The following SNX8 variants were observed in gnomAD, a reference collection of about 807,000 sequenced individuals.
The protein encoded by SNX8 is sorting nexin 8, also known as sorting nexin-8.
SNX8 carries 25 observed loss-of-function variants against 51.6 expected under a neutral mutation model. The ratio of observed to expected loss-of-function variants is 0.48; its 90% CI spans 0.35 to 0.68. The LOEUF (loss-of-function observed/expected upper bound fraction) is 0.68. SNX8 is among the 30% of genes least tolerant of loss of function. The probability of loss-of-function intolerance (pLI) is 0.00; values close to 1 mark genes in which losing one functional copy is unlikely to be tolerated. For synonymous variants in SNX8, 324 were observed against 277.0 expected (o/e 1.17, Z -1.68); for missense variants, 695 against 624.0 (o/e 1.11, Z -1.21).
intron 1 of SNX8, among the ~76,000 whole-genome samples, chr7:2,324,932 C>T (rs760915320): frequency 1.4e-4 from 20 of 147,858 alleles, no homozygotes; most frequent in Non-Finnish European, 2.6e-4. Flanking sequence ...CAGCCTGCTG[C>T]GTAGCTGGGA....
chr7:2,352,855 G>C (rs1429097715), intron 1 of SNX8, among the ~76,000 whole-genome samples: 3 of 151,650 alleles, frequency 2.0e-5, no homozygotes, highest in Non-Finnish European at 4.4e-5. Context: ...AAAAAAAATT[G>C]TCATCCCTTA....
chr7:2,346,837 T>C (rs1583129354), intron 1 of SNX8, among the ~76,000 whole-genome samples: 1 of 149,142 alleles, frequency 6.7e-6, no homozygotes, highest in Admixed American at 6.7e-5. Context: ...AGAGGATCTC[T>C]TGAGCCTGGG....
chr7:2,266,645 G>A (rs1199089487), intron 5 of SNX8, among the ~76,000 whole-genome samples: 2 of 151,890 alleles, frequency 1.3e-5, no homozygotes, highest in Admixed American at 6.6e-5. Context: ...ACGCCCGGCC[G>A]GTTTTTTGGG....
chr7:2,293,507 C>T (rs1039171537), intron 1 of SNX8, among the ~76,000 whole-genome samples: 1 of 147,492 alleles, frequency 6.8e-6, no homozygotes, highest in African/African-American at 2.5e-5. Flanking sequence ...TACAAAAATA[C>T]AAAAATTAGC....
chr7:2,342,187 AT>A (rs1311526001), intron 1 of SNX8, among the ~76,000 whole-genome samples: 1 of 151,332 alleles, frequency 6.6e-6, no homozygotes, highest in South Asian at 2.1e-4. Context: ...CTCAAAAAAA[AT>A]AATAATAAAT....
intron 1 of SNX8, among the ~76,000 whole-genome samples, chr7:2,303,746 C>T (rs1458109421): frequency 7.3e-4 from 111 of 152,064 alleles, no homozygotes; most frequent in African/African-American, 2.4e-3. Flanking sequence ...TAAACAGATC[C>T]TGAAGGCAGC....
chr7:2,352,535 T>C (rs570756746), intron 1 of SNX8, among the ~76,000 whole-genome samples: 84 of 152,070 alleles, frequency 5.5e-4, no homozygotes, highest in Non-Finnish European at 1.0e-3. Context: ...AGCATGCATA[T>C]GTAGAAAAAA....
rs1486983956 is a variant in SNX8 at position 2,257,788 on chromosome 7, T to C, written c.931A>G (p.Asn311Asp). ...KAAQQGKQEE[N>D]DVVEKLNLFL... Reference sequence around the variant, plus strand: ...AGGTTCAGCTTCTCCACCACGTCGTTCTCTTCCTGCTTACCCTGGAAGGCG... The same window carrying C: ...AGGTTCAGCTTCTCCACCACGTCGTCCTCTTCCTGCTTACCCTGGAAGGCG... Residue 311 changes from asparagine (N) to aspartate (D), a missense_variant, in exon 8 of 11, where the codon AAC (asparagine) becomes GAC (aspartate). Transcript: ENST00000222990. The C allele has an allele frequency of 1.2e-6, 2 of 1,613,938 alleles. No homozygotes were observed. Among genetic ancestry groups the C allele is most frequent in the South Asian group, 1.1e-5 (1 of 91,088 alleles).
intron 1 of SNX8, among the ~76,000 whole-genome samples, chr7:2,327,322 C>A (rs2115230907): frequency 6.6e-6 from 1 of 152,212 alleles, no homozygotes; most frequent in African/African-American, 2.4e-5. Flanking sequence ...TCACTGCAAG[C>A]TCCGCATCCT....
rs545789852 is a variant in SNX8, at chr7:2,305,455, C to G, written c.94+8873G>C. On this transcript the variant is annotated intron_variant, in intron 1 of 10. Coordinates refer to ENST00000222990, the MANE Select transcript of SNX8 (RefSeq NM_013321.4). The stretch of plus-strand genomic sequence containing the variant: ...CTCAGCTCACTGCAACCTCTGCCTC[C>G]TGGGTTCAAGTGATTCTCCTGTCTC... 4.4e-3 allele frequency among the ~76,000 whole-genome samples: 673 copies of G among 152,146 alleles called. 3 individuals are homozygous for G. Among genetic ancestry groups the G allele is most frequent in the Non-Finnish European group, 5.4e-3 (366 of 68,002 alleles).
chr7:2,338,326 G>C (rs2115243082), intron 1 of SNX8, among the ~76,000 whole-genome samples: 1 of 152,210 alleles, frequency 6.6e-6, no homozygotes, highest in East Asian at 1.9e-4. Context: ...GCCGGGCACG[G>C]TGGCAGGTGC....
intron 1 of SNX8, among the ~76,000 whole-genome samples, chr7:2,347,166 C>A (rs1008251547): frequency 1.1e-4 from 16 of 151,926 alleles, no homozygotes; most frequent in African/African-American, 2.4e-4. Context: ...CCGCCCCCAC[C>A]ATCTCCACAA....
chr7:2,310,276 T>C (rs994970695), intron 1 of SNX8, among the ~76,000 whole-genome samples: 2 of 152,152 alleles, frequency 1.3e-5, no homozygotes, highest in African/African-American at 4.8e-5. Flanking sequence ...TTATCCTGCA[T>C]AGTCAGAGGA....
Position 2,254,736 on chromosome 7 carries a change from C to G in SNX8, c.*320G>C. ...CACCTGGAGGCCCTGCCTCCACGCT[C>G]CCCCAGGCACAATCTCTGTGAGATG... is the stretch of plus-strand genomic sequence containing the variant. On this transcript the variant is annotated 3_prime_UTR_variant, in exon 11 of 11. Coordinates refer to ENST00000222990, the MANE Select transcript of SNX8 (RefSeq NM_013321.4). 1 of 392,820 alleles carries G rather than the reference C, an allele frequency of 2.5e-6. No individual in the cohort carries two copies. Among genetic ancestry groups the G allele is most frequent in the Non-Finnish European group, 4.7e-6 (1 of 213,062 alleles). 24.3% of individuals were successfully genotyped at this position (392,820 alleles called of 1,614,324 possible).
intron 1 of SNX8, among the ~76,000 whole-genome samples, chr7:2,308,780 A>AT (rs755533735): frequency 0.044 from 5,969 of 136,028 alleles, 473 homozygotes; most frequent in African/African-American, 0.13. Flanking sequence ...AAATGAACAA[A>AT]TTTTTTTTTT....
Position 2,352,949 on chromosome 7 carries a change from A to G in SNX8, c.-66+1273T>C, listed in dbSNP as rs901398976. 9.2e-5 allele frequency among the ~76,000 whole-genome samples: 14 copies of G among 152,326 alleles called. 1 individual carries two copies. Among genetic ancestry groups the G allele is most frequent in the Admixed American group, 5.9e-4 (9 of 15,292 alleles). ...CTGACAGCATGATGAGGAGTAGTCA[A>G]ACCTGGTACTAGGCATGGGAAGACT... On this transcript the variant is annotated intron_variant, in intron 1 of 5. Transcript: ENST00000435336.
intron 1 of SNX8, among the ~76,000 whole-genome samples, chr7:2,348,585 C>G (rs1319137828): frequency 1.3e-5 from 2 of 151,684 alleles, no homozygotes; most frequent in Non-Finnish European, 2.9e-5. Context: ...TTGTGATCCA[C>G]CCGCCTCAGC....
At chr7:2,258,026 T>C (rs1795236030) in intron 7 of SNX8, among the ~76,000 whole-genome samples, 1 of 149,614 alleles carries the variant, frequency 6.7e-6, no homozygotes, top group African/African-American at 2.5e-5. Context: ...TTTTTTTTTT[T>C]TGAGTCGGAG....
chr7:2,353,213 C>A (rs1779198797), intron 1 of SNX8, among the ~76,000 whole-genome samples: 1 of 152,034 alleles, frequency 6.6e-6, no homozygotes, highest in South Asian at 2.1e-4. Flanking sequence ...GAACTGTACA[C>A]TAAATTGCAT....
Sources: allele counts gnomAD v4.1 joint callset (sites outside exome capture counted in the v4.1 genomes callset), GRCh38; gene constraint gnomAD v4.1.1; transcripts MANE v1.5; gene names NCBI Gene and HGNC (gene_info 2026-07-23, HGNC 2026-07-21).